Variants in LARGE1 observed in about 807,000 individuals in gnomAD.
LARGE1 encodes the protein LARGE xylosyl- and glucuronyltransferase 1.
Under a neutral mutation model 87.6 loss-of-function variants are expected in LARGE1, and 43 were observed. The observed-to-expected ratio is 0.49, with a 90% CI of 0.38 to 0.63. LARGE1 has a LOEUF of 0.63. Ranked by LOEUF, LARGE1 falls within the 30% of genes least tolerant of loss-of-function variation. The pLI, the probability that LARGE1 is intolerant of heterozygous loss-of-function variation, is 0.00. For synonymous variants in LARGE1, 434 were observed against 394.6 expected, an observed-to-expected ratio of 1.10 and a Z score of -1.18; for missense variants, 802 against 1,000.2, an observed-to-expected ratio of 0.80 and a Z score of 2.67.
chr22:33,191,529 C>G (rs73881984), intron 11 of LARGE1, among the ~76,000 whole-genome samples: 2 of 104,578 alleles, frequency 1.9e-5, no homozygotes, highest in African/African-American at 8.2e-5. Flanking sequence ...AAAGGGGCTT[C>G]GTGGTGAGAT....
intron 2 of LARGE1, among the ~76,000 whole-genome samples, chr22:33,702,369 A>G (rs2082425979): frequency 6.6e-6 from 1 of 152,214 alleles, no homozygotes; most frequent in Admixed American, 6.5e-5. Flanking sequence ...AGCCCCCAGT[A>G]GGGACATTAT....
chr22:33,497,513 A>T (rs535816413), intron 6 of LARGE1, among the ~76,000 whole-genome samples: 1 of 152,342 alleles, frequency 6.6e-6, no homozygotes, highest in African/African-American at 2.4e-5. Flanking sequence ...TATCATAATT[A>T]TTCTGCACAG....
chr22:33,865,953 A>T (rs1243135140), intron 1 of LARGE1, among the ~76,000 whole-genome samples: 1 of 141,270 alleles, frequency 7.1e-6, no homozygotes, highest in Non-Finnish European at 1.5e-5. Context: ...GGCTCAAGCA[A>T]TCCTCCCATC....
chr22:33,152,203 G>T, the LARGE1 span, among the ~76,000 whole-genome samples: 11 of 152,282 alleles, frequency 7.2e-5, 1 homozygote, highest in Middle Eastern at 0.017. Context: ...TGAAGAGCAA[G>T]CTTTCCTTTA....
intron 5 of LARGE1, among the ~76,000 whole-genome samples, chr22:33,582,162 G>A (rs1300994444): frequency 2.0e-5 from 3 of 152,166 alleles, no homozygotes; most frequent in Non-Finnish European, 4.4e-5. Context: ...AGGGGGCAGA[G>A]GCAAGGAATG....
intron 11 of LARGE1, among the ~76,000 whole-genome samples, chr22:33,215,543 C>T (rs2146243002): frequency 6.6e-6 from 1 of 152,234 alleles, no homozygotes; most frequent in Non-Finnish European, 1.5e-5. Flanking sequence ...TCAATGGTGT[C>T]CCTGATGAGT....
At chr22:33,726,553 G>A (rs868045320) in intron 2 of LARGE1, among the ~76,000 whole-genome samples, 12 of 152,316 alleles carry the variant, frequency 7.9e-5, no homozygotes, top group Middle Eastern at 3.4e-3. Flanking sequence ...GGCAGGAGAT[G>A]CCAAATGTCT....
rs374366748 is a variant in LARGE1, at chr22:33,694,544, T to A, written c.107-43876A>T. ...TGTGTGGCAGAATCTGGTGGAATAT[T>A]TTTTTTTTCATCACAATATGTTAGT... On this transcript the variant is annotated intron_variant, in intron 2 of 14. Coordinates refer to ENST00000397394, the MANE Select transcript of LARGE1 (RefSeq NM_133642.5). 5.3e-5 allele frequency among the ~76,000 whole-genome samples: 8 copies of A among 151,968 alleles called. No individual in the cohort carries two copies. In the East Asian group the frequency reaches 1.5e-3, roughly 29 times the overall value.
intron 11 of LARGE1, among the ~76,000 whole-genome samples, chr22:33,265,724 A>G (rs1927898086): frequency 6.6e-6 from 1 of 152,204 alleles, no homozygotes; most frequent in South Asian, 2.1e-4. Context: ...AAAATGAACC[A>G]ATCACTTGTT....
chr22:33,810,011 T>C lies in LARGE1; in HGVS notation c.-82-48453A>G, dbSNP rs530054552. On this transcript the variant is annotated intron_variant, in intron 1 of 14. Transcript: ENST00000397394. ...ACTTGTAGTTATAGGCGGGTGTTGC[T>C]ACCACCCAGGAGAGCACAGAAAAAA... Among the ~76,000 whole-genome samples the C allele has an allele frequency of 1.8e-3, 279 of 152,232 alleles. 1 individual carries two copies. Among genetic ancestry groups the C allele is most frequent in the African/African-American group, 6.3e-3 (262 of 41,540 alleles).
chr22:33,527,703 G>C (rs1181469318), intron 6 of LARGE1, among the ~76,000 whole-genome samples: 1 of 152,152 alleles, frequency 6.6e-6, no homozygotes, highest in Non-Finnish European at 1.5e-5. Flanking sequence ...ATTAAAGGAA[G>C]GTGACAGCAC....
chr22:33,610,701 G>A (rs1184686381), intron 4 of LARGE1, among the ~76,000 whole-genome samples: 1 of 152,138 alleles, frequency 6.6e-6, no homozygotes, highest in African/African-American at 2.4e-5. Context: ...CTAAAAAGGG[G>A]CCAGGTACGA....
downstream of LARGE1, among the ~76,000 whole-genome samples, chr22:33,267,681 T>C (rs1928026380): frequency 6.6e-6 from 1 of 151,106 alleles, no homozygotes; most frequent in South Asian, 2.1e-4. Flanking sequence ...CTTTTTACCT[T>C]GAGGCCGATT....
chr22:33,151,089 G>A, the LARGE1 span, among the ~76,000 whole-genome samples: 1 of 152,136 alleles, frequency 6.6e-6, no homozygotes, highest in Non-Finnish European at 1.5e-5. Flanking sequence ...GGCACAGTAT[G>A]CTTCTCCATT....
chr22:33,263,947 C>T (rs1927787023), intron 11 of LARGE1, among the ~76,000 whole-genome samples: 2 of 152,230 alleles, frequency 1.3e-5, no homozygotes, highest in South Asian at 2.1e-4. Context: ...GGGCAAATTA[C>T]TTAACTTCTT....
intron 7 of LARGE1, among the ~76,000 whole-genome samples, chr22:33,426,171 A>G (rs1404436441): frequency 6.6e-6 from 1 of 152,232 alleles, no homozygotes; most frequent in African/African-American, 2.4e-5. Context: ...CAATCATGGA[A>G]GAGGCTCAAG....
At chr22:33,138,101 A>G in the LARGE1 span, among the ~76,000 whole-genome samples, 7,379 of 152,276 alleles carry the variant, frequency 0.048, 573 homozygotes, top group African/African-American at 0.17. Context: ...AGCCTGTGAA[A>G]GCAGCAGGGA....
At chr22:33,776,873 T>C (rs978034035) in intron 1 of LARGE1, among the ~76,000 whole-genome samples, 1 of 152,150 alleles carries the variant, frequency 6.6e-6, no homozygotes, top group South Asian at 2.1e-4. Flanking sequence ...TGCCATTCAC[T>C]ACAGTCCACA....
At chr22:33,073,563 A>G in the LARGE1 span, among the ~76,000 whole-genome samples, 2 of 151,836 alleles carry the variant, frequency 1.3e-5, no homozygotes, top group Non-Finnish European at 2.9e-5. Context: ...TCTAGAGCCC[A>G]CCCCTCATAA....
Sources: allele counts gnomAD v4.1 joint callset (sites outside exome capture counted in the v4.1 genomes callset), GRCh38; gene constraint gnomAD v4.1.1; transcripts MANE v1.5; gene names NCBI Gene and HGNC (gene_info 2026-07-23, HGNC 2026-07-21).